The following AKAP14 variants were observed in gnomAD, a reference collection of about 807,000 sequenced individuals.
AKAP14 encodes A-kinase anchor protein 14.
Under a neutral mutation model 17.0 loss-of-function variants are expected in AKAP14, and 4 were observed. That is an observed-to-expected ratio of 0.23 (90% CI 0.12 to 0.54). The LOEUF is 0.54. AKAP14 is among the 20% of genes least tolerant of loss of function. The probability of loss-of-function intolerance (pLI) is 0.95; values close to 1 mark genes in which losing one functional copy is unlikely to be tolerated. For missense variants in AKAP14, 129 were observed against 150.9 expected, an observed-to-expected ratio of 0.85 and a Z score of 0.76; for synonymous variants, 42 against 51.3, an observed-to-expected ratio of 0.82 and a Z score of 0.77.
intron 2 of AKAP14, among the ~76,000 whole-genome samples, chrX:119,896,716 G>T (rs1290775009): frequency 9.0e-6 from 1 of 111,258 alleles, no homozygotes; most frequent in Non-Finnish European, 1.9e-5. Context: ...TCACAGATTT[G>T]ACTTCTCATC....
chrX:119,912,151 G>A (rs1478941578), intron 4 of AKAP14, among the ~76,000 whole-genome samples: 17 of 108,670 alleles, frequency 1.6e-4, no homozygotes, highest in Admixed American at 1.4e-3. Context: ...AGCTGGTCTC[G>A]AACTCCTGAC....
chrX:119,919,699 A>G, intron 5 of AKAP14: 1 of 337,558 alleles, frequency 3.0e-6, no homozygotes, highest in South Asian at 7.0e-5. Context: ...TAAAAAAAAT[A>G]GCTGGGTGTG....
chrX:119,920,044 C>A, intron 6 of AKAP14, 81 bp downstream of exon 6: 2 of 989,356 alleles, frequency 2.0e-6, no homozygotes, highest in Non-Finnish European at 2.9e-6. Flanking sequence ...TGCGCAACAA[C>A]AGATAGTTCA....
chrX:119,917,947 TA>T (rs2056668410), intron 5 of AKAP14, among the ~76,000 whole-genome samples: 1 of 112,420 alleles, frequency 8.9e-6, no homozygotes, highest in Non-Finnish European at 1.9e-5. Flanking sequence ...CAGCTTTCAG[TA>T]GTAAGGGCCT....
At chrX:119,896,426 GAGGGGAGGGGAGGACAAGGGAGAGGGA>G (rs1250607141) in intron 2 of AKAP14, among the ~76,000 whole-genome samples, 159 bp downstream of exon 2, 1 of 97,178 alleles carries the variant, frequency 1.0e-5, no homozygotes, top group Non-Finnish European at 2.1e-5. Context: ...GAGGGGAGGG[GAGGGGAGGGGAGGACAAGGGAGAGGGA>G]GGGGGAGGGG....
chrX:119,903,721 T>A lies in AKAP14; in HGVS notation c.261+135T>A, dbSNP rs927899761. 1.1e-5 allele frequency: 12 copies of A among 1,075,905 alleles called. 1 individual carries two copies. Among genetic ancestry groups the A allele is most frequent in the Non-Finnish European group, 1.5e-5 (12 of 803,296 alleles). The allele number at this position is 1,075,905 out of a possible 1,213,427, so 88.7% of individuals were successfully genotyped here. ...GGGGGCTGACTAGAATAAGTAAACATCATCTCCATCTCAGTTCCAAAATCA... is the reference window on the plus strand; with the variant it reads ...GGGGGCTGACTAGAATAAGTAAACAACATCTCCATCTCAGTTCCAAAATCA... On this transcript the variant is annotated intron_variant, in intron 4 of 6. Coordinates refer to ENST00000371431, the MANE Select transcript of AKAP14 (RefSeq NM_178813.6).
intron 2 of AKAP14, among the ~76,000 whole-genome samples, chrX:119,898,513 C>T (rs976474504): frequency 1.3e-4 from 14 of 110,978 alleles, no homozygotes; most frequent in African/African-American, 3.3e-4. Flanking sequence ...GCCCTTTGTC[C>T]GGGCGTGGTG....
chrX:119,912,559 T>C (rs1289372191), intron 4 of AKAP14, among the ~76,000 whole-genome samples: 1 of 109,475 alleles, frequency 9.1e-6, no homozygotes, highest in Non-Finnish European at 1.9e-5. Flanking sequence ...GAGATGGAAT[T>C]TCACTCTTGT....
chrX:119,900,233 C>G (rs4825681), intron 2 of AKAP14, among the ~76,000 whole-genome samples: 15,074 of 111,579 alleles, frequency 0.14, 964 homozygotes, highest in African/African-American at 0.25. Context: ...GCTGGGATTA[C>G]AGGCACGTGC....
At chrX:119,903,635 TAA>T (rs1480875158) in intron 4 of AKAP14, 49 bp downstream of exon 4, 1 of 1,202,100 alleles carries the variant, frequency 8.3e-7, no homozygotes, top group South Asian at 1.8e-5. Flanking sequence ...TGAAGAACAA[TAA>T]AGAGACTCTC....
Position 119,920,651 on chromosome X carries a change from T to C in AKAP14, c.*44T>C, listed in dbSNP as rs1419505347. 1 of 989,421 alleles carries C rather than the reference T, an allele frequency of 1.0e-6. No individual in the cohort carries two copies. Among genetic ancestry groups the C allele is most frequent in the African/African-American group, 1.9e-5 (1 of 53,258 alleles). 81.5% of individuals were successfully genotyped at this position (989,421 alleles called of 1,213,427 possible). A position where few individuals can be genotyped will look rare whatever the true frequency, so the allele number is the denominator to read the frequency against. The stretch of plus-strand genomic sequence containing the variant: ...GGATTGTTTTTCTCATCAGGATACA[T>C]TAAAAATACAATACAGCACGTCAAA... On this transcript the variant is annotated 3_prime_UTR_variant, in exon 7 of 7. Transcript: ENST00000371431.
rs1347456766 is a variant in AKAP14, at chrX:119,920,018, C to T, written c.494+55C>T. The T allele has an allele frequency of 2.5e-5, 28 of 1,107,417 alleles. 1 individual carries two copies. The Admixed American group carries it at 3.3e-4, about 13-fold the overall frequency. The allele number at this position is 1,107,417 out of a possible 1,213,427, so 91.3% of individuals were successfully genotyped here. The stretch of plus-strand genomic sequence containing the variant: ...AGGGTGGGAGAAAGGTCATCACACT[C>T]CAGGAATCCAGCAGTTGCGCAACAA... On this transcript the variant is annotated intron_variant, in intron 6 of 6. Transcript: ENST00000371431.
At chrX:119,905,409 C>T (rs1056445441) in intron 4 of AKAP14, among the ~76,000 whole-genome samples, 11 of 112,585 alleles carry the variant, frequency 9.8e-5, no homozygotes, top group African/African-American at 3.2e-4. Flanking sequence ...GGCAAAGGCC[C>T]CTGCCTACTG....
chrX:119,920,452 T>A, intron 6 of AKAP14, 56 bp from the exon 7 acceptor site: 2 of 1,000,580 alleles, frequency 2.0e-6, no homozygotes, highest in Non-Finnish European at 2.8e-6. Context: ...TTGTTTGATT[T>A]TAAAAGCTTT....
intron 4 of AKAP14, among the ~76,000 whole-genome samples, chrX:119,907,526 C>T (rs1269865841): frequency 1.8e-5 from 2 of 110,141 alleles, no homozygotes; most frequent in Non-Finnish European, 3.8e-5. Flanking sequence ...GGCGCAATCT[C>T]GGCTCACTGC....
intron 2 of AKAP14, among the ~76,000 whole-genome samples, chrX:119,902,260 G>A (rs763705500): frequency 9.1e-6 from 1 of 109,560 alleles, no homozygotes; most frequent in Non-Finnish European, 1.9e-5. Flanking sequence ...ATTTTTAGTA[G>A]AGACGAGGTT....
At chrX:119,908,850 ATAGT>A (rs1436500457) in intron 4 of AKAP14, among the ~76,000 whole-genome samples, 2 of 111,950 alleles carry the variant, frequency 1.8e-5, no homozygotes, top group African/African-American at 6.5e-5. Flanking sequence ...CCTGATGAAA[ATAGT>A]TAAATTTAAT....
chrX:119,903,952 A>AT (rs1182175211), intron 4 of AKAP14, among the ~76,000 whole-genome samples: 1 of 110,124 alleles, frequency 9.1e-6, no homozygotes, highest in Non-Finnish European at 1.9e-5. Flanking sequence ...TATTTTGTTT[A>AT]TTTTTTTTAG....
At chrX:119,919,404 G>A (rs187213446) in intron 5 of AKAP14, among the ~76,000 whole-genome samples, 190 of 112,141 alleles carry the variant, frequency 1.7e-3, no homozygotes, top group African/African-American at 5.6e-3. Flanking sequence ...AGATTCTTAA[G>A]GTATTTGTTG....
Sources: allele counts gnomAD v4.1 joint callset (sites outside exome capture counted in the v4.1 genomes callset), GRCh38; gene constraint gnomAD v4.1.1; transcripts MANE v1.5; gene names NCBI Gene and HGNC (gene_info 2026-07-23, HGNC 2026-07-21).